DNAAF9: variants seen among roughly 807,000 people sequenced by gnomAD.
DNAAF9 encodes dynein axonemal assembly factor 9, also known as shulin.
Under a neutral mutation model 167.0 loss-of-function variants are expected in DNAAF9, and 90 were observed. The ratio of observed to expected loss-of-function variants is 0.54; its 90% CI spans 0.45 to 0.64. The LOEUF (loss-of-function observed/expected upper bound fraction) is 0.64. Among genes scored for constraint, DNAAF9 ranks in the 30% least tolerant of loss-of-function variants. The pLI, the probability that DNAAF9 is intolerant of heterozygous loss-of-function variation, is 0.00. For missense variants in DNAAF9, 1,315 were observed against 1,442.2 expected, an observed-to-expected ratio of 0.91 and a Z score of 1.43; for synonymous variants, 491 against 508.8, an observed-to-expected ratio of 0.96 and a Z score of 0.47.
intron 9 of DNAAF9, among the ~76,000 whole-genome samples, chr20:3,341,440 G>C (rs2070083726): frequency 6.6e-6 from 1 of 152,094 alleles, no homozygotes; most frequent in Non-Finnish European, 1.5e-5. Flanking sequence ...AATAGTCCCA[G>C]GGTTTACCTG....
chr20:3,342,787 T>C (rs1373092371), intron 9 of DNAAF9, among the ~76,000 whole-genome samples: 1 of 152,100 alleles, frequency 6.6e-6, no homozygotes, highest in Non-Finnish European at 1.5e-5. Context: ...AGAGAAGAAA[T>C]GTCCTCTCTA....
intron 1 of DNAAF9, among the ~76,000 whole-genome samples, chr20:3,398,378 A>AT (rs921183135): frequency 5.9e-5 from 9 of 152,028 alleles, no homozygotes; most frequent in Non-Finnish European, 1.0e-4. Flanking sequence ...AATACATTCC[A>AT]TTTTTTTACT....
chr20:3,314,596 T>C (rs1004506156), intron 20 of DNAAF9, among the ~76,000 whole-genome samples: 11 of 152,186 alleles, frequency 7.2e-5, no homozygotes, highest in Admixed American at 2.0e-4. Flanking sequence ...GCTGATGCCT[T>C]GATTTTGACC....
At chr20:3,322,421 G>A (rs2069632602) in intron 15 of DNAAF9, among the ~76,000 whole-genome samples, 159 bp from the exon 16 acceptor site, 1 of 152,198 alleles carries the variant, frequency 6.6e-6, no homozygotes, top group African/African-American at 2.4e-5. Context: ...GAATTGGTAT[G>A]TGGGCCACTA....
At chr20:3,342,662 T>C (rs1406934946) in intron 9 of DNAAF9, among the ~76,000 whole-genome samples, 1 of 152,204 alleles carries the variant, frequency 6.6e-6, no homozygotes, top group East Asian at 1.9e-4. Flanking sequence ...GCTGATTTTT[T>C]TTCTGAAGCT....
rs1311087843 is a variant in DNAAF9, at chr20:3,394,999, G to A, written c.83+12476C>T. 2.4e-4 allele frequency among the ~76,000 whole-genome samples: 24 copies of A among 99,794 alleles called. 1 individual carries two copies. The highest frequency in any genetic ancestry group is 3.8e-4 in the Non-Finnish European group (20 of 53,152). 65.5% of individuals were successfully genotyped at this position (99,794 alleles called of 152,430 possible). The stretch of plus-strand genomic sequence containing the variant: ...TTTTTTTTTTTTGAGACGGAGTTTC[G>A]CTCTGTCGCCCAGGCTGGAGTGCAG... On this transcript the variant is annotated intron_variant, in intron 1 of 36. Coordinates refer to ENST00000252032, the MANE Select transcript of DNAAF9 (RefSeq NM_001009984.3).
At chr20:3,252,830 A>G (rs1464883647) in intron 36 of DNAAF9, 146 bp from the exon 37 acceptor site, 14 of 633,616 alleles carry the variant, frequency 2.2e-5, no homozygotes, top group Non-Finnish European at 3.7e-5. Context: ...GACTCTTTGT[A>G]TATACTGGCA....
intron 1 of DNAAF9, among the ~76,000 whole-genome samples, chr20:3,402,723 G>A (rs765185849): frequency 2.0e-5 from 3 of 152,104 alleles, no homozygotes; most frequent in East Asian, 1.9e-4. Flanking sequence ...AATCACAGGC[G>A]CATGCCACCA....
In DNAAF9 at chr20:3,374,159, A is replaced by G. The variant is rs1470275884; in HGVS notation, c.506-5T>C. On this transcript the variant is annotated splice_polypyrimidine_tract_variant and splice_region_variant and intron_variant, in intron 5 of 36. Coordinates refer to ENST00000252032, the MANE Select transcript of DNAAF9 (RefSeq NM_001009984.3). ...TATCAAATATCTGCAAGTGACCTAG[A>G]AGAATCAAATACAACAACACATATC... 1 of 1,585,604 alleles carries G rather than the reference A, an allele frequency of 6.3e-7. No homozygotes were observed. Among genetic ancestry groups the G allele is most frequent in the Admixed American group, 1.7e-5 (1 of 59,978 alleles).
At chr20:3,293,292 CAAAAAAAAA>C (rs1172725572) in intron 25 of DNAAF9, among the ~76,000 whole-genome samples, 6 of 22,872 alleles carry the variant, frequency 2.6e-4, no homozygotes, top group South Asian at 3.8e-3. Context: ...GACTCCGTCT[CAAAAAAAAA>C]AAAAAAAAAA....
At chr20:3,280,569 G>GA (rs201495872) in intron 28 of DNAAF9, among the ~76,000 whole-genome samples, 132 of 142,376 alleles carry the variant, frequency 9.3e-4, no homozygotes, top group East Asian at 7.1e-3. Context: ...CCATCTCAAA[G>GA]AAAAAAAAAA....
At chr20:3,338,761 T>A (rs1442634114) in intron 10 of DNAAF9, among the ~76,000 whole-genome samples, 3 of 151,192 alleles carry the variant, frequency 2.0e-5, no homozygotes, top group African/African-American at 4.9e-5. Flanking sequence ...CAAGCGATTC[T>A]CCCACCTCAG....
intron 14 of DNAAF9, among the ~76,000 whole-genome samples, chr20:3,324,346 C>T (rs980539839): frequency 3.9e-5 from 6 of 152,118 alleles, no homozygotes; most frequent in African/African-American, 1.4e-4. Flanking sequence ...ATGGTCCTCA[C>T]GTGAAACAGT....
chr20:3,316,887 G>GTTATT, intron 17 of DNAAF9, 94 bp from the exon 18 acceptor site: 1 of 456,480 alleles, frequency 2.2e-6, no homozygotes, highest in Non-Finnish European at 3.8e-6. Flanking sequence ...AGGAGCTAGG[G>GTTATT]TTCTTTTTTT....
chr20:3,301,331 G>A (rs1271411374), intron 21 of DNAAF9, among the ~76,000 whole-genome samples: 2 of 152,104 alleles, frequency 1.3e-5, no homozygotes, highest in Non-Finnish European at 2.9e-5. Flanking sequence ...GGGACTACAG[G>A]TGCACAGCAC....
intron 1 of DNAAF9, among the ~76,000 whole-genome samples, chr20:3,386,880 T>C (rs1600906144): frequency 6.6e-6 from 1 of 152,142 alleles, no homozygotes; most frequent in East Asian, 1.9e-4. Flanking sequence ...TCATTATCCA[T>C]TATGGAAATG....
intron 32 of DNAAF9, 85 bp downstream of exon 32, chr20:3,259,837 T>A: frequency 1.2e-6 from 1 of 810,582 alleles, no homozygotes. Context: ...ATACAGCACA[T>A]AGAATACTGA....
At chr20:3,374,217 G>A in intron 5 of DNAAF9, 63 bp from the exon 6 acceptor site, 5 of 1,124,138 alleles carry the variant, frequency 4.4e-6, no homozygotes, top group Non-Finnish European at 5.3e-6. Flanking sequence ...GTCTAAACCT[G>A]ACCTAACATG....
intron 36 of DNAAF9, among the ~76,000 whole-genome samples, chr20:3,253,296 C>T (rs1179514308): frequency 6.6e-6 from 1 of 152,168 alleles, no homozygotes; most frequent in East Asian, 1.9e-4. Context: ...ACAAAATTAG[C>T]CGGGCACGGC....
Sources: gnomAD v4.1 joint callset for allele counts (sites outside exome capture counted in the v4.1 genomes callset) on GRCh38, gnomAD v4.1.1 for gene constraint, MANE v1.5 for transcripts, NCBI Gene and HGNC (gene_info 2026-07-23, HGNC 2026-07-21) for gene names.